The following CDH18 variants were observed in gnomAD, a reference collection of about 807,000 sequenced individuals.
The protein encoded by CDH18 is cadherin-18.
In CDH18, 31 loss-of-function variants were observed where a neutral mutation model predicts 67.9. The ratio of observed to expected loss-of-function variants is 0.46; its 90% CI spans 0.34 to 0.62. The LOEUF (loss-of-function observed/expected upper bound fraction) is 0.62. Among genes scored for constraint, CDH18 ranks in the 20% least tolerant of loss-of-function variants. CDH18 has a pLI of 0.01. For missense variants in CDH18, 890 were observed against 975.5 expected (o/e 0.91, Z 1.17); for synonymous variants, 362 against 347.2 (o/e 1.04, Z -0.48).
chr5:20,229,758 C>T (rs1741919539), intron 2 of CDH18, among the ~76,000 whole-genome samples: 1 of 151,174 alleles, frequency 6.6e-6, no homozygotes, highest in South Asian at 2.1e-4. Context: ...TCTTCCTTAG[C>T]TATGTATATT....
intron 1 of CDH18, among the ~76,000 whole-genome samples, chr5:20,473,279 G>A (rs1752215354): frequency 6.6e-6 from 1 of 152,098 alleles, no homozygotes; most frequent in Admixed American, 6.5e-5. Context: ...CTCGTGCTCA[G>A]TAACTCAAAC....
chr5:19,820,113 C>T (rs1243835255), intron 3 of CDH18, among the ~76,000 whole-genome samples: 5 of 152,054 alleles, frequency 3.3e-5, no homozygotes, highest in Non-Finnish European at 4.4e-5. Flanking sequence ...GGGGATGAGC[C>T]CCTACTCTCA....
At chr5:20,166,865 G>T (rs1736337046) in intron 2 of CDH18, among the ~76,000 whole-genome samples, 3 of 152,134 alleles carry the variant, frequency 2.0e-5, no homozygotes, top group Non-Finnish European at 4.4e-5. Flanking sequence ...TTTATGAGCT[G>T]TGGCCAATGA....
chr5:19,887,358 T>C (rs1788322029), intron 2 of CDH18, among the ~76,000 whole-genome samples: 1 of 152,076 alleles, frequency 6.6e-6, no homozygotes, highest in Non-Finnish European at 1.5e-5. Flanking sequence ...TTTATATATA[T>C]GTGTGCGTTT....
At chr5:19,559,219 T>C (rs985088236) in intron 8 of CDH18, among the ~76,000 whole-genome samples, 10 of 152,016 alleles carry the variant, frequency 6.6e-5, no homozygotes, top group African/African-American at 2.2e-4. Flanking sequence ...ATCTTTGTTA[T>C]TTCTTTTCTT....
intron 3 of CDH18, among the ~76,000 whole-genome samples, chr5:19,788,769 C>T (rs1366410976): frequency 6.6e-6 from 1 of 152,066 alleles, no homozygotes; most frequent in Admixed American, 6.6e-5. Context: ...GCATTAAATA[C>T]CAATACATTA....
intron 1 of CDH18, among the ~76,000 whole-genome samples, chr5:20,379,492 A>G (rs1272478379): frequency 1.3e-5 from 2 of 152,144 alleles, no homozygotes; most frequent in African/African-American, 4.8e-5. Flanking sequence ...TTCTTATTTC[A>G]GGTACCTCTA....
chr5:19,818,860 G>C (rs1365304071), intron 3 of CDH18, among the ~76,000 whole-genome samples: 2 of 152,088 alleles, frequency 1.3e-5, no homozygotes, highest in Admixed American at 1.3e-4. Flanking sequence ...TTTGTTTCAG[G>C]AGAAAATCAG....
intron 2 of CDH18, among the ~76,000 whole-genome samples, chr5:20,009,695 G>A (rs1039327621): frequency 2.0e-5 from 3 of 152,018 alleles, no homozygotes; most frequent in Non-Finnish European, 2.9e-5. Context: ...AAGGGAAGGT[G>A]GTAATACTTA....
intron 2 of CDH18, among the ~76,000 whole-genome samples, chr5:19,927,758 T>C (rs1377634658): frequency 6.6e-6 from 1 of 152,092 alleles, no homozygotes. Context: ...AGAAAAAACC[T>C]GAGAAATGTG....
intron 10 of CDH18, among the ~76,000 whole-genome samples, chr5:19,520,188 C>T (rs994298067): frequency 1.3e-5 from 2 of 152,162 alleles, no homozygotes; most frequent in African/African-American, 4.8e-5. Context: ...TCACTCTCAC[C>T]ACCCTATTAA....
chr5:19,975,533 T>C (rs114631461), intron 2 of CDH18, among the ~76,000 whole-genome samples: 2,160 of 152,266 alleles, frequency 0.014, 68 homozygotes, highest in African/African-American at 0.049. Flanking sequence ...ACTTCAATAA[T>C]AATTAAACAC....
At chr5:19,835,926 C>T (rs1450765110) in intron 3 of CDH18, among the ~76,000 whole-genome samples, 1 of 152,086 alleles carries the variant, frequency 6.6e-6, no homozygotes, top group Non-Finnish European at 1.5e-5. Context: ...TCCATCGCCT[C>T]CTGATATGTG....
intron 2 of CDH18, among the ~76,000 whole-genome samples, chr5:20,198,519 A>G (rs1739170814): frequency 6.6e-6 from 1 of 152,208 alleles, no homozygotes; most frequent in Non-Finnish European, 1.5e-5. Context: ...GAAATTTCTA[A>G]GCAGCAAAGC....
intron 2 of CDH18, among the ~76,000 whole-genome samples, chr5:20,183,265 T>C (rs2126691278): frequency 6.6e-6 from 1 of 152,236 alleles, no homozygotes; most frequent in South Asian, 2.1e-4. Context: ...AACCTTAGAT[T>C]CATGTACACA....
intron 3 of CDH18, among the ~76,000 whole-genome samples, chr5:19,750,775 C>CT (rs1175966543): frequency 4.6e-5 from 4 of 86,588 alleles, no homozygotes; most frequent in Non-Finnish European, 4.6e-5. Context: ...CCCCCCCCCA[C>CT]TTTTTTTAAA....
chr5:20,536,635 A>G (rs1318476944), intron 1 of CDH18, among the ~76,000 whole-genome samples: 1 of 152,154 alleles, frequency 6.6e-6, no homozygotes. Context: ...CAGTTAGCCT[A>G]TGGCACTACA....
At chr5:20,556,896 T>C (rs150405648) in intron 1 of CDH18, among the ~76,000 whole-genome samples, 11 of 152,292 alleles carry the variant, frequency 7.2e-5, no homozygotes, top group African/African-American at 2.4e-4. Context: ...TTATTCTTGT[T>C]TGGGAATATC....
intron 2 of CDH18, among the ~76,000 whole-genome samples, chr5:19,912,776 A>G (rs1182315553): frequency 6.6e-6 from 1 of 152,164 alleles, no homozygotes; most frequent in Non-Finnish European, 1.5e-5. Context: ...AAAGAAGGGA[A>G]GCTAAAAGTG....
Sources: gnomAD v4.1 joint callset for allele counts (sites outside exome capture counted in the v4.1 genomes callset) on GRCh38, gnomAD v4.1.1 for gene constraint, MANE v1.5 for transcripts, NCBI Gene and HGNC (gene_info 2026-07-23, HGNC 2026-07-21) for gene names.